Variants in MYO10 observed in about 807,000 individuals in gnomAD.
The protein encoded by MYO10 is myosin X.
In MYO10, 133 loss-of-function variants were observed where a neutral mutation model predicts 257.3. The ratio of observed to expected loss-of-function variants is 0.52; its 90% CI spans 0.45 to 0.60. The LOEUF (loss-of-function observed/expected upper bound fraction) is 0.60. MYO10 is among the 20% of genes least tolerant of loss of function. The pLI, the probability that MYO10 is intolerant of heterozygous loss-of-function variation, is 0.00. For missense variants in MYO10, 2,399 were observed against 2,635.7 expected, an observed-to-expected ratio of 0.91 and a Z score of 1.97; for synonymous variants, 1,104 against 1,028.6, an observed-to-expected ratio of 1.07 and a Z score of -1.40.
At chr5:16,670,463 C>G in intron 39 of MYO10, 63 bp downstream of exon 39, 1 of 1,417,534 alleles carries the variant, frequency 7.1e-7, no homozygotes. Flanking sequence ...TGAACTTGGC[C>G]GTGATCCATG....
At chr5:16,736,310 G>T (rs1170729418) in intron 19 of MYO10, among the ~76,000 whole-genome samples, 1 of 152,166 alleles carries the variant, frequency 6.6e-6, no homozygotes, top group Non-Finnish European at 1.5e-5. Context: ...CGTTGGCAGA[G>T]CCCCAGAGTT....
At chr5:16,727,570 C>T (rs753259967) in intron 19 of MYO10, among the ~76,000 whole-genome samples, 10 of 152,148 alleles carry the variant, frequency 6.6e-5, no homozygotes, top group African/African-American at 1.2e-4. Context: ...AAATCAAACA[C>T]GAAGAATTTC....
chr5:16,825,571 T>C (rs115108384), intron 2 of MYO10, among the ~76,000 whole-genome samples: 1,929 of 152,268 alleles, frequency 0.013, 42 homozygotes, highest in African/African-American at 0.044. Context: ...TGACTTCACG[T>C]TTCACTACTC....
intron 28 of MYO10, among the ~76,000 whole-genome samples, chr5:16,686,946 GAA>G (rs1444847658): frequency 5.8e-4 from 88 of 152,260 alleles, no homozygotes; most frequent in African/African-American, 2.0e-3. Flanking sequence ...TTTTAAAGTA[GAA>G]AACTATTTTG....
At chr5:16,933,995 A>G (rs1746365367) in intron 1 of MYO10, among the ~76,000 whole-genome samples, 2 of 152,372 alleles carry the variant, frequency 1.3e-5, no homozygotes, top group East Asian at 1.9e-4. Context: ...GGACTTACTC[A>G]TATCTTTGGG....
In MYO10 at chr5:16,922,876, T is replaced by A. The variant is rs538920509; in HGVS notation, c.21+12912A>T. 2.0e-5 allele frequency among the ~76,000 whole-genome samples: 3 copies of A among 152,068 alleles called. No homozygotes were observed. The South Asian group carries it at 6.2e-4, about 32-fold the overall frequency. ...TGAGACCTTATCTCTATAAAAAATT[T>A]GAAAATTAGCCGGGCGAGGTGGCAC... On this transcript the variant is annotated intron_variant, in intron 1 of 40. Transcript: ENST00000513610.
intron 33 of MYO10, among the ~76,000 whole-genome samples, chr5:16,678,594 C>T (rs1023380758): frequency 1.3e-5 from 2 of 152,026 alleles, no homozygotes; most frequent in Non-Finnish European, 2.9e-5. Context: ...TCAAAACAAA[C>T]AAAAAACAAC....
intron 1 of MYO10, among the ~76,000 whole-genome samples, chr5:16,931,651 C>G (rs115656667): frequency 6.6e-6 from 1 of 152,022 alleles, no homozygotes; most frequent in Non-Finnish European, 1.5e-5. Context: ...AAAATGAGTA[C>G]TTGACAATAG....
At chr5:16,861,886 G>A (rs1744118743) in intron 2 of MYO10, among the ~76,000 whole-genome samples, 1 of 152,078 alleles carries the variant, frequency 6.6e-6, no homozygotes, top group African/African-American at 2.4e-5. Context: ...ATTACACCTA[G>A]GCTCAATTGC....
chr5:16,902,117 C>T (rs1745394271), intron 1 of MYO10, among the ~76,000 whole-genome samples: 1 of 152,032 alleles, frequency 6.6e-6, no homozygotes, highest in South Asian at 2.1e-4. Flanking sequence ...GCAATATGGG[C>T]TCACTGCAAC....
intron 2 of MYO10, among the ~76,000 whole-genome samples, chr5:16,852,615 C>T (rs139290001): frequency 1.1e-3 from 160 of 151,612 alleles, no homozygotes; most frequent in Non-Finnish European, 1.8e-3. Flanking sequence ...ACTAGCTGGA[C>T]CTCATTACCT....
chr5:16,672,324 A>G (rs1046485008), intron 37 of MYO10, among the ~76,000 whole-genome samples: 1 of 150,654 alleles, frequency 6.6e-6, no homozygotes, highest in Non-Finnish European at 1.5e-5. Context: ...TCCATTTTAT[A>G]TTGTAGACAT....
At chr5:16,816,362 C>T (rs1267695651) in intron 3 of MYO10, among the ~76,000 whole-genome samples, 3 of 144,220 alleles carry the variant, frequency 2.1e-5, no homozygotes, top group Non-Finnish European at 4.5e-5. Context: ...AAGGCAAATA[C>T]ACTCTTTTTT....
chr5:16,713,560 G>A (rs1339551030), intron 19 of MYO10: 20 of 904,336 alleles, frequency 2.2e-5, no homozygotes, highest in South Asian at 1.0e-4. Flanking sequence ...GGGGAGGGGA[G>A]GGAGGGAGCA....
intron 1 of MYO10, among the ~76,000 whole-genome samples, chr5:16,882,195 T>C (rs2126765948): frequency 6.6e-6 from 1 of 152,310 alleles, no homozygotes; most frequent in Non-Finnish European, 1.5e-5. Flanking sequence ...GGCAATACCG[T>C]CCCTTTCTTC....
intron 39 of MYO10, among the ~76,000 whole-genome samples, chr5:16,670,241 G>C (rs1022065880): frequency 2.6e-5 from 4 of 152,106 alleles, no homozygotes; most frequent in Admixed American, 2.6e-4. Flanking sequence ...ATTTTTATCA[G>C]TGTTTAAAAA....
intron 11 of MYO10, 80 bp from the exon 12 acceptor site, chr5:16,764,476 G>GAC: frequency 6.6e-7 from 1 of 1,521,694 alleles, no homozygotes; most frequent in South Asian, 1.2e-5. Context: ...CCACTTGAGA[G>GAC]ACACACACAA....
chr5:16,778,756 T>G (rs1313584993), intron 9 of MYO10, among the ~76,000 whole-genome samples: 2 of 147,312 alleles, frequency 1.4e-5, no homozygotes, highest in Non-Finnish European at 1.5e-5. Context: ...AGTTGCGCGA[T>G]CTCGGCTCAC....
chr5:16,797,157 T>C (rs946398111), intron 3 of MYO10, among the ~76,000 whole-genome samples: 7 of 152,192 alleles, frequency 4.6e-5, no homozygotes, highest in African/African-American at 1.7e-4. Context: ...AGGTTGAGTA[T>C]CACTAATCCG....
Sources: allele counts gnomAD v4.1 joint callset (sites outside exome capture counted in the v4.1 genomes callset), GRCh38; gene constraint gnomAD v4.1.1; transcripts MANE v1.5; gene names NCBI Gene and HGNC (gene_info 2026-07-23, HGNC 2026-07-21).